ATP8B4: variants seen among roughly 807,000 people sequenced by gnomAD.
The protein encoded by ATP8B4 is probable phospholipid-transporting ATPase IM.
ATP8B4 carries 133 observed loss-of-function variants against 145.6 expected under a neutral mutation model. The observed-to-expected ratio is 0.91, with a 90% CI of 0.79 to 1.05. The LOEUF (loss-of-function observed/expected upper bound fraction) is 1.05, where lower values mean the gene tolerates loss of function less well. ATP8B4 is among the 50% of genes least tolerant of loss of function. ATP8B4 has a pLI of 0.00. For synonymous variants in ATP8B4, 507 were observed against 492.9 expected (o/e 1.03, Z -0.38); for missense variants, 1,458 against 1,425.2 (o/e 1.02, Z -0.37).
At chr15:50,181,173 G>A (rs1192064052) in intron 1 of ATP8B4, among the ~76,000 whole-genome samples, 3 of 152,148 alleles carry the variant, frequency 2.0e-5, no homozygotes, top group African/African-American at 7.2e-5. Flanking sequence ...GCGTGTCTGG[G>A]AGGAATAAGC....
intron 1 of ATP8B4, among the ~76,000 whole-genome samples, chr15:50,153,498 C>T (rs1381749751): frequency 6.6e-6 from 1 of 152,124 alleles, no homozygotes; most frequent in Non-Finnish European, 1.5e-5. Flanking sequence ...GCCACCGTGC[C>T]CAGCTAATTT....
chr15:49,988,984 C>T lies in ATP8B4; in HGVS notation c.590-1435G>A, dbSNP rs189663221. ...TTTTCCAACCTCCACCTGTCTTTCC[C>T]CAATATAACAAAAGTACTGCCTGAA... is the stretch of plus-strand genomic sequence containing the variant. On this transcript the variant is annotated intron_variant, in intron 9 of 27. Coordinates refer to ENST00000284509, the MANE Select transcript of ATP8B4 (RefSeq NM_024837.4). 1.4e-4 allele frequency among the ~76,000 whole-genome samples: 22 copies of T among 152,262 alleles called. No homozygotes were observed. The East Asian group carries it at 4.1e-3, about 28-fold the overall frequency.
intron 6 of ATP8B4, among the ~76,000 whole-genome samples, chr15:50,034,054 C>T (rs1409548936): frequency 6.6e-6 from 1 of 152,052 alleles, no homozygotes; most frequent in East Asian, 1.9e-4. Flanking sequence ...GGTAGAATGA[C>T]TTATTTTCCA....
rs79026681 is a variant in ATP8B4 at position 50,178,103 on chromosome 15, A to G, written c.-43+4158T>C. 5.9e-3 allele frequency among the ~76,000 whole-genome samples: 892 copies of G among 152,286 alleles called. 9 individuals are homozygous for G. Among genetic ancestry groups the G allele is most frequent in the African/African-American group, 0.021 (855 of 41,550 alleles). ...CTTCTCCTGCAATACCTAGAATAGG[A>G]CAGAAGACAGTGGGCATTTGAGGTC... On this transcript the variant is annotated intron_variant, in intron 1 of 3. Coordinates refer to the ATP8B4 transcript ENST00000558829.
At chr15:49,940,707 C>A (rs528451407) in intron 14 of ATP8B4, among the ~76,000 whole-genome samples, 299 of 152,202 alleles carry the variant, frequency 2.0e-3, no homozygotes, top group Non-Finnish European at 1.8e-3. Flanking sequence ...GGGCTAGGTC[C>A]TCAATGACTT....
At chr15:50,092,277 T>G (rs1001345880) in intron 2 of ATP8B4, among the ~76,000 whole-genome samples, 11 of 152,154 alleles carry the variant, frequency 7.2e-5, no homozygotes, top group African/African-American at 2.4e-4. Context: ...GCTACCCAGA[T>G]GTAAAGTAAA....
At chr15:50,161,256 T>C (rs2044514123) in intron 1 of ATP8B4, among the ~76,000 whole-genome samples, 1 of 152,104 alleles carries the variant, frequency 6.6e-6, no homozygotes, top group Non-Finnish European at 1.5e-5. Flanking sequence ...ATGTATTGTG[T>C]CTTTATAAGT....
chr15:50,103,336 T>A (rs2056484285), intron 2 of ATP8B4, among the ~76,000 whole-genome samples: 1 of 152,100 alleles, frequency 6.6e-6, no homozygotes, highest in Non-Finnish European at 1.5e-5. Flanking sequence ...ATCACACACC[T>A]AGAAAACCCT....
At chr15:50,169,247 C>A (rs1163736587) in intron 1 of ATP8B4, among the ~76,000 whole-genome samples, 3 of 152,190 alleles carry the variant, frequency 2.0e-5, no homozygotes, top group Non-Finnish European at 4.4e-5. Flanking sequence ...AGTACTAAAC[C>A]ACCAAAGCTA....
intron 3 of ATP8B4, among the ~76,000 whole-genome samples, chr15:50,055,370 G>A (rs1483259496): frequency 6.6e-6 from 1 of 152,160 alleles, no homozygotes; most frequent in African/African-American, 2.4e-5. Flanking sequence ...ATATATGCAA[G>A]ATCAGTTTGC....
intron 16 of ATP8B4, among the ~76,000 whole-genome samples, chr15:49,929,941 A>C (rs2041101637): frequency 6.6e-6 from 1 of 152,090 alleles, no homozygotes; most frequent in African/African-American, 2.4e-5. Context: ...TGGGATGAAA[A>C]GAGTAAGAAA....
intron 6 of ATP8B4, among the ~76,000 whole-genome samples, chr15:50,024,645 A>G (rs550871353): frequency 6.6e-6 from 1 of 152,230 alleles, no homozygotes; most frequent in Admixed American, 6.5e-5. Context: ...CAGCAAGTCT[A>G]TTTCTGCTTC....
intron 6 of ATP8B4, among the ~76,000 whole-genome samples, chr15:50,019,690 T>C (rs117727832): frequency 6.3e-4 from 96 of 152,338 alleles, no homozygotes; most frequent in African/African-American, 2.0e-3. Flanking sequence ...CCAACTGCAA[T>C]CTCTCTGGTC....
chr15:50,058,584 C>T (rs1266229084), intron 3 of ATP8B4, among the ~76,000 whole-genome samples: 1 of 152,198 alleles, frequency 6.6e-6, no homozygotes, highest in Non-Finnish European at 1.5e-5. Context: ...ACTTCTTATA[C>T]TAGAGTTCTA....
At chr15:50,155,911 T>G (rs1229116471) in intron 1 of ATP8B4, among the ~76,000 whole-genome samples, 1 of 151,580 alleles carries the variant, frequency 6.6e-6, no homozygotes, top group African/African-American at 2.4e-5. Flanking sequence ...AACTACAATT[T>G]TGGATAAAGA....
At chr15:49,955,330 G>C (rs142172475) in intron 14 of ATP8B4, among the ~76,000 whole-genome samples, 140 of 152,224 alleles carry the variant, frequency 9.2e-4, no homozygotes, top group African/African-American at 3.3e-3. Context: ...AAACAAAAAT[G>C]GGAGAAAGAA....
chr15:50,013,812 G>A (rs1248362105), intron 6 of ATP8B4, among the ~76,000 whole-genome samples: 1 of 152,088 alleles, frequency 6.6e-6, no homozygotes, highest in African/African-American at 2.4e-5. Context: ...GATAGCAACT[G>A]CAACTAATAA....
In ATP8B4 at chr15:50,074,143, TC is replaced by T. The variant is rs1427457388; in HGVS notation, c.70del (p.Glu24LysfsTer41). 2.0e-5 allele frequency: 32 copies of T among 1,613,090 alleles called. No homozygotes were observed. Among genetic ancestry groups the T allele is most frequent in the African/African-American group, 2.7e-5 (2 of 74,908 alleles). On this transcript the variant is annotated frameshift_variant, in exon 3 of 28. Coordinates refer to ENST00000284509, the MANE Select transcript of ATP8B4 (RefSeq NM_024837.4). LOFTEE classifies it high-confidence loss of function. ...IVKANDREYN[E>X]KFQYADNRIH... The stretch of plus-strand genomic sequence containing the variant: ...TTCACTTACCGCATACTGGAACTTT[TC>T]ATTATATTCACGGTCATTGGCTTTC...
At chr15:49,881,029 A>G (rs940894800) in intron 23 of ATP8B4, among the ~76,000 whole-genome samples, 49 of 152,240 alleles carry the variant, frequency 3.2e-4, no homozygotes, top group African/African-American at 1.1e-3. Flanking sequence ...GGAGAGTGGC[A>G]TGAACCCGAG....
Sources: gnomAD v4.1 joint callset for allele counts (sites outside exome capture counted in the v4.1 genomes callset) on GRCh38, gnomAD v4.1.1 for gene constraint, MANE v1.5 for transcripts, NCBI Gene and HGNC (gene_info 2026-07-23, HGNC 2026-07-21) for gene names.